RERG: variants seen among roughly 807,000 people sequenced by gnomAD.
RERG encodes the protein RAS like estrogen regulated growth inhibitor.
RERG carries 25 observed loss-of-function variants against 23.2 expected under a neutral mutation model. The observed-to-expected ratio is 1.08, with a 90% confidence interval of 0.79 to 1.50. The LOEUF (loss-of-function observed/expected upper bound fraction) is 1.50. RERG is among the 40% of genes most tolerant of loss of function. The pLI is 0.00. For missense variants in RERG, 253 were observed against 250.1 expected (o/e 1.01, Z -0.08); for synonymous variants, 81 against 89.1 (o/e 0.91, Z 0.51).
At chr12:15,112,568 G>C (rs1415448087) in intron 3 of RERG, 1 of 152,126 alleles carries the variant, frequency 6.6e-6, no homozygotes, top group Non-Finnish European at 1.5e-5. Flanking sequence ...TCAAAAATAA[G>C]TGCCAACTGG....
rs752626702 is a variant in RERG, at chr12:15,111,375, A to G, written c.161T>C (p.Val54Ala). The G allele has an allele frequency of 1.9e-6, 3 of 1,613,470 alleles. No individual in the cohort carries two copies. Among genetic ancestry groups the G allele is most frequent in the Non-Finnish European group, 2.5e-6 (3 of 1,179,598 alleles). The change falls in exon 4 of 5, where the codon GTT (valine) becomes GCT (alanine). Residue 54 changes from valine (V) to alanine (A), a missense_variant. Transcript: ENST00000256953. ...RHQATIDDEV[V>A]SMEILDTAGQ... ...AGCAGTGTCTAGTATCTCCATGGAA[A>G]CAACTTCATCATCGATGGTTGCTTG...
chr12:15,143,320 G>A (rs943015999), intron 2 of RERG, among the ~76,000 whole-genome samples: 3 of 19,612 alleles, frequency 1.5e-4, no homozygotes, highest in African/African-American at 4.2e-4. Context: ...ACACACACAC[G>A]TGTGTATGTA....
chr12:15,183,080 GAAAAAC>G (rs951142979), intron 2 of RERG, among the ~76,000 whole-genome samples: 1 of 151,804 alleles, frequency 6.6e-6, no homozygotes, highest in South Asian at 2.1e-4. Context: ...GACCCTGGCC[GAAAAAC>G]AAAAACAAAA....
chr12:15,200,562 C>G (rs1018561989), intron 2 of RERG, among the ~76,000 whole-genome samples: 1 of 151,968 alleles, frequency 6.6e-6, no homozygotes, highest in Admixed American at 6.6e-5. Flanking sequence ...TCTACCCAAC[C>G]TGCCCTCATA....
At chr12:15,148,106 A>G (rs1864364668) in intron 2 of RERG, among the ~76,000 whole-genome samples, 1 of 152,194 alleles carries the variant, frequency 6.6e-6, no homozygotes, top group South Asian at 2.1e-4. Flanking sequence ...GACCAGTGTA[A>G]TTATATCCTT....
intron 2 of RERG, among the ~76,000 whole-genome samples, chr12:15,126,656 G>A (rs1379669191): frequency 6.6e-6 from 1 of 151,840 alleles, no homozygotes; most frequent in Non-Finnish European, 1.5e-5. Context: ...TCAAAGAAAG[G>A]GGAAAAGAAA....
At chr12:15,190,208 G>T (rs974879152) in intron 2 of RERG, among the ~76,000 whole-genome samples, 1 of 152,090 alleles carries the variant, frequency 6.6e-6, no homozygotes, top group Non-Finnish European at 1.5e-5. Context: ...AGGTCCTCAG[G>T]GTTCCAGGGG....
rs1238125789 is a variant in RERG at position 15,108,915 on chromosome 12, A to G, written c.*195T>C. 1.8e-6 allele frequency: 1 copy of G among 548,174 alleles called. No individual in the cohort carries two copies. Among genetic ancestry groups the G allele is most frequent in the Non-Finnish European group, 3.2e-6 (1 of 315,088 alleles). 34.0% of individuals were successfully genotyped at this position (548,174 alleles called of 1,614,324 possible). ...TTAGAGTGTATCTTATTCAAGCAGG[A>G]AAGGAAGAAATTGTTAGCACTGAAA... is the stretch of plus-strand genomic sequence containing the variant. On this transcript the variant is annotated 3_prime_UTR_variant, in exon 5 of 5. Transcript: ENST00000256953.
At chr12:15,145,553 G>A (rs144463678) in intron 2 of RERG, among the ~76,000 whole-genome samples, 12 of 152,304 alleles carry the variant, frequency 7.9e-5, no homozygotes, top group African/African-American at 2.6e-4. Flanking sequence ...TGAGAGTGTC[G>A]CAGGTGTGCC....
intron 2 of RERG, among the ~76,000 whole-genome samples, chr12:15,168,902 C>T (rs1403919878): frequency 6.6e-6 from 1 of 152,172 alleles, no homozygotes; most frequent in Non-Finnish European, 1.5e-5. Context: ...AGGAGCAGAA[C>T]CTTTTCTTCT....
chr12:15,148,993 C>T (rs1250886784), intron 2 of RERG, among the ~76,000 whole-genome samples: 3 of 150,834 alleles, frequency 2.0e-5, no homozygotes, highest in African/African-American at 4.9e-5. Flanking sequence ...CTCAGCCTCC[C>T]GAGTAGCTGG....
chr12:15,169,669 A>G (rs957242904), intron 2 of RERG, among the ~76,000 whole-genome samples: 1 of 152,200 alleles, frequency 6.6e-6, no homozygotes, highest in Non-Finnish European at 1.5e-5. Flanking sequence ...ACATGAATGT[A>G]TATATCTTAT....
intron 2 of RERG, among the ~76,000 whole-genome samples, chr12:15,145,702 T>TA (rs1214202320): frequency 6.6e-6 from 1 of 152,222 alleles, no homozygotes; most frequent in African/African-American, 2.4e-5. Context: ...GTGCTAGGCG[T>TA]AAGCCCTTGT....
chr12:15,110,852 C>T (rs1863601610), intron 4 of RERG: 1 of 152,328 alleles, frequency 6.6e-6, no homozygotes, highest in Non-Finnish European at 1.5e-5. Context: ...CGACCTAATA[C>T]CAAATATTAC....
intron 2 of RERG, among the ~76,000 whole-genome samples, chr12:15,183,216 T>C (rs1044370231): frequency 6.6e-6 from 1 of 152,166 alleles, no homozygotes; most frequent in African/African-American, 2.4e-5. Context: ...TAATAACTCA[T>C]TATTATATTG....
chr12:15,160,159 T>C (rs896039251), intron 2 of RERG, among the ~76,000 whole-genome samples: 4 of 152,164 alleles, frequency 2.6e-5, no homozygotes, highest in Non-Finnish European at 5.9e-5. Context: ...TATGTGCATA[T>C]ATATATGTGC....
intron 2 of RERG, among the ~76,000 whole-genome samples, chr12:15,124,266 A>G (rs1198120211): frequency 1.5e-5 from 2 of 135,132 alleles, no homozygotes; most frequent in African/African-American, 5.3e-5. Context: ...TGGTTACTCA[A>G]AATAATTCCT....
intron 2 of RERG, among the ~76,000 whole-genome samples, chr12:15,143,225 T>A (rs977051770): frequency 6.6e-6 from 1 of 152,262 alleles, no homozygotes; most frequent in African/African-American, 2.4e-5. Flanking sequence ...AGATTTTCCC[T>A]AGAAAACCTC....
rs139780897 is a variant in RERG at position 15,174,286 on chromosome 12, T to C, written c.61+43143A>G. Among the ~76,000 whole-genome samples, 453 of 152,226 alleles carry C rather than the reference T, an allele frequency of 3.0e-3. 3 individuals are homozygous for C. Among genetic ancestry groups the C allele is most frequent in the African/African-American group, 0.01 (418 of 41,574 alleles). ...GAAAAAAAATAGATATGTTATCCAC[T>C]GCCTTCTGGCCTATGTAGTTTCTGA... is the stretch of plus-strand genomic sequence containing the variant. On this transcript the variant is annotated intron_variant, in intron 2 of 4. Transcript: ENST00000256953.
Sources: gnomAD v4.1 joint callset for allele counts (sites outside exome capture counted in the v4.1 genomes callset) on GRCh38, gnomAD v4.1.1 for gene constraint, MANE v1.5 for transcripts, NCBI Gene and HGNC (gene_info 2026-07-23, HGNC 2026-07-21) for gene names.